ESRRG: variants seen among roughly 807,000 people sequenced by gnomAD.
The protein encoded by ESRRG is estrogen-related receptor gamma.
Under a neutral mutation model 44.0 loss-of-function variants are expected in ESRRG, and 13 were observed. The ratio of observed to expected loss-of-function variants is 0.30; its 90% CI spans 0.19 to 0.47. ESRRG has a LOEUF of 0.47. ESRRG is among the 20% of genes least tolerant of loss of function. ESRRG has a pLI of 1.00. For synonymous variants in ESRRG, 215 were observed against 214.6 expected, an observed-to-expected ratio of 1.00 and a Z score of -0.02; for missense variants, 395 against 580.6, an observed-to-expected ratio of 0.68 and a Z score of 3.29.
At chr1:216,744,845 C>T (rs2091206407) in intron 2 of ESRRG, among the ~76,000 whole-genome samples, 1 of 152,182 alleles carries the variant, frequency 6.6e-6, no homozygotes, top group Non-Finnish European at 1.5e-5. Flanking sequence ...ATTTAGCTCT[C>T]CAGGTGAGGG....
intron 2 of ESRRG, among the ~76,000 whole-genome samples, chr1:216,909,079 TC>T (rs758506706): frequency 1.3e-5 from 2 of 151,912 alleles, no homozygotes; most frequent in Non-Finnish European, 2.9e-5. Flanking sequence ...GGGTAGAAAT[TC>T]TGAGAAACAT....
At chr1:216,507,887 T>C (rs1031593979) in intron 6 of ESRRG, among the ~76,000 whole-genome samples, 12 of 152,208 alleles carry the variant, frequency 7.9e-5, no homozygotes, top group African/African-American at 2.9e-4. Flanking sequence ...GAAAATCTAA[T>C]TCAATCAAGC....
intron 1 of ESRRG, among the ~76,000 whole-genome samples, chr1:216,678,174 C>T (rs2076429471): frequency 1.3e-5 from 2 of 152,088 alleles, no homozygotes; most frequent in Admixed American, 1.3e-4. Flanking sequence ...TATAGAAAGA[C>T]ATCAAGTATA....
chr1:216,775,179 C>T (rs1219229608), intron 2 of ESRRG, among the ~76,000 whole-genome samples: 6 of 151,866 alleles, frequency 4.0e-5, no homozygotes, highest in African/African-American at 9.7e-5. Flanking sequence ...AGCAATATCG[C>T]CCTATTTCCA....
At position 216,505,098 on chromosome 1, in the gene ESRRG, GTTA is replaced by G. The variant is rs2040972235; in HGVS notation, c.*1838_*1840del. 1 of 152,578 alleles carries G rather than the reference GTTA, an allele frequency of 6.6e-6. No individual in the cohort carries two copies. Among genetic ancestry groups the G allele is most frequent in the Non-Finnish European group, 1.5e-5 (1 of 68,042 alleles). 9.5% of individuals were successfully genotyped at this position (152,578 alleles called of 1,614,324 possible). On this transcript the variant is annotated 3_prime_UTR_variant, in exon 7 of 7. Coordinates refer to ENST00000408911, the MANE Select transcript of ESRRG (RefSeq NM_001438.4). Reference sequence around the variant, plus strand: ...AAGCTGAACTACATTTCTTTTGTTTGTTAGGATTACAATTTTAATTACATCTGT... The same window carrying G: ...AAGCTGAACTACATTTCTTTTGTTTGGGATTACAATTTTAATTACATCTGT...
At chr1:216,954,256 A>G (rs761944607) in intron 1 of ESRRG, among the ~76,000 whole-genome samples, 1 of 152,136 alleles carries the variant, frequency 6.6e-6, no homozygotes, top group Non-Finnish European at 1.5e-5. Flanking sequence ...TAATAACTCA[A>G]CATATTAAAA....
chr1:216,796,214 G>A (rs1200026673), intron 2 of ESRRG, among the ~76,000 whole-genome samples: 2 of 152,122 alleles, frequency 1.3e-5, no homozygotes, highest in Non-Finnish European at 2.9e-5. Flanking sequence ...GGTGCTGTGG[G>A]ACACCCTGCT....
chr1:216,827,538 C>T (rs1036669830), intron 2 of ESRRG, among the ~76,000 whole-genome samples: 1 of 152,180 alleles, frequency 6.6e-6, no homozygotes, highest in Admixed American at 6.6e-5. Context: ...TCTTCGTATG[C>T]AAGTGAAGTT....
chr1:216,913,847 TA>T lies in ESRRG; in HGVS notation c.-14+25734del, dbSNP rs773235072. On this transcript the variant is annotated intron_variant, in intron 2 of 7. Transcript: ENST00000359162. ...CTGAGAAATTAGCTATCATTATAAT[TA>T]CAGCAGTAGTTGCAAGGTTTTTACC... 1.8e-4 allele frequency among the ~76,000 whole-genome samples: 27 copies of T among 152,366 alleles called. No homozygotes were observed. In the Middle Eastern group the frequency reaches 0.01, roughly 58 times the overall value.
At chr1:216,530,628 A>T (rs1400368880) in intron 5 of ESRRG, among the ~76,000 whole-genome samples, 1 of 152,154 alleles carries the variant, frequency 6.6e-6, no homozygotes, top group Non-Finnish European at 1.5e-5. Flanking sequence ...GGTTAACCTA[A>T]AAATTTGAAA....
At chr1:216,552,838 T>C (rs917369865) in intron 5 of ESRRG, among the ~76,000 whole-genome samples, 8 of 152,184 alleles carry the variant, frequency 5.3e-5, no homozygotes, top group African/African-American at 1.9e-4. Context: ...CCTCTAGACA[T>C]GCTTTTAAAT....
At chr1:216,912,099 T>G (rs1417708277) in intron 2 of ESRRG, among the ~76,000 whole-genome samples, 1 of 112,898 alleles carries the variant, frequency 8.9e-6, no homozygotes, top group African/African-American at 3.2e-5. Context: ...ACCCACCCTG[T>G]AAAAAAAGAA....
chr1:217,131,086 G>A (rs1190611628), intron 1 of ESRRG, among the ~76,000 whole-genome samples: 2 of 152,078 alleles, frequency 1.3e-5, no homozygotes, highest in Admixed American at 6.5e-5. Flanking sequence ...AGATTCAGTT[G>A]GATTAGAGAA....
upstream of ESRRG, chr1:217,089,735 G>T (rs1477448855): frequency 6.6e-6 from 1 of 152,046 alleles, no homozygotes; most frequent in Non-Finnish European, 1.5e-5. Context: ...CCCCGCGGGC[G>T]CGGGGCCGGC....
At chr1:217,062,217 C>T (rs145934984) in intron 1 of ESRRG, among the ~76,000 whole-genome samples, 11 of 152,114 alleles carry the variant, frequency 7.2e-5, no homozygotes, top group East Asian at 5.8e-4. Context: ...CGCAGGATGC[C>T]GCAGCTGGTT....
intron 2 of ESRRG, among the ~76,000 whole-genome samples, chr1:216,817,461 C>A (rs544582335): frequency 6.6e-6 from 1 of 152,204 alleles, no homozygotes; most frequent in East Asian, 1.9e-4. Flanking sequence ...CTAATAACAA[C>A]TTTTACTCAA....
At chr1:216,941,856 A>AT (rs1167156870) in intron 1 of ESRRG, among the ~76,000 whole-genome samples, 2 of 151,962 alleles carry the variant, frequency 1.3e-5, no homozygotes, top group Non-Finnish European at 1.5e-5. Flanking sequence ...TATTTATCTC[A>AT]TTTTTTCCCT....
At chr1:216,927,763 GGGC>G (rs1310262067) in intron 2 of ESRRG, among the ~76,000 whole-genome samples, 35 of 152,150 alleles carry the variant, frequency 2.3e-4, no homozygotes, top group Admixed American at 3.3e-4. Context: ...CCGCGGGACG[GGGC>G]TCCCAGATCA....
intron 1 of ESRRG, among the ~76,000 whole-genome samples, chr1:216,960,005 AC>A (rs1330452802): frequency 2.6e-5 from 4 of 152,152 alleles, no homozygotes; most frequent in Non-Finnish European, 5.9e-5. Flanking sequence ...TTAAATTCAT[AC>A]AGCTGGTCGG....
Sources: gnomAD v4.1 joint callset for allele counts (sites outside exome capture counted in the v4.1 genomes callset) on GRCh38, gnomAD v4.1.1 for gene constraint, MANE v1.5 for transcripts, NCBI Gene and HGNC (gene_info 2026-07-23, HGNC 2026-07-21) for gene names.